The following IFRD1 variants were observed in gnomAD, a reference collection of about 807,000 sequenced individuals.
IFRD1 encodes the protein interferon-related developmental regulator 1.
A neutral mutation model predicts 52.9 loss-of-function variants in IFRD1; 35 were observed. That is an observed-to-expected ratio of 0.66 (90% CI 0.51 to 0.88). The LOEUF is 0.88. Ranked by LOEUF, IFRD1 falls within the 40% of genes least tolerant of loss-of-function variation. IFRD1 has a pLI of 0.00. For missense variants in IFRD1, 517 were observed against 550.8 expected (o/e 0.94, Z 0.61); for synonymous variants, 184 against 188.4 (o/e 0.98, Z 0.19).
intron 9 of IFRD1, among the ~76,000 whole-genome samples, chr7:112,469,461 T>C (rs1375498457): frequency 1.3e-5 from 2 of 152,186 alleles, no homozygotes; most frequent in Admixed American, 6.5e-5. Flanking sequence ...CAAATATCAA[T>C]ATTAAGAATT....
At chr7:112,441,072 G>A (rs1794872722) in intron 1 of IFRD1, among the ~76,000 whole-genome samples, 1 of 152,074 alleles carries the variant, frequency 6.6e-6, no homozygotes, top group African/African-American at 2.4e-5. Flanking sequence ...CAAGAGATTT[G>A]AGACCGTCCT....
chr7:112,454,331 T>C (rs1197648545), intron 1 of IFRD1, among the ~76,000 whole-genome samples: 1 of 152,116 alleles, frequency 6.6e-6, no homozygotes. Flanking sequence ...TAGCTGGGAT[T>C]ACAAGCGCCT....
chr7:112,448,126 TAAAAAA>T (rs33983901), upstream of IFRD1, among the ~76,000 whole-genome samples: 2 of 132,964 alleles, frequency 1.5e-5, no homozygotes, highest in Non-Finnish European at 1.6e-5. Flanking sequence ...CCTGTAGATT[TAAAAAA>T]AAAAAAAAAA....
At chr7:112,435,655 T>TGTGTGTGTGTGTGTGTGTGTGCGC (rs775779479) in intron 1 of IFRD1, 48 of 149,126 alleles carry the variant, frequency 3.2e-4, no homozygotes, top group African/African-American at 1.1e-3. Context: ...TGTGTGTGTG[T>TGTGTGTGTGTGTGTGTGTGTGCGC]GCGTGCTTGT....
chr7:112,472,848 C>T lies in IFRD1; in HGVS notation c.1253C>T (p.Ser418Phe). The change falls in exon 11 of 12, where the codon TCT becomes TTT. Residue 418 changes from serine (S) to phenylalanine (F), a missense_variant. Transcript: ENST00000403825. ...GCAACGCTTAAAACGATGAAGATTT[C>T]TCGTTTCGAAAGGGTAGGTTTTGTT... The part of the protein sequence containing the change: ...DAATLKTMKI[S>F]RFERHLYNSA... 4.3e-6 allele frequency: 7 copies of T among 1,611,084 alleles called. No homozygotes were observed. Among genetic ancestry groups the T allele is most frequent in the Non-Finnish European group, 5.9e-6 (7 of 1,177,216 alleles).
intron 9 of IFRD1, among the ~76,000 whole-genome samples, chr7:112,471,290 G>A (rs138142487): frequency 4.4e-4 from 67 of 152,272 alleles, no homozygotes; most frequent in African/African-American, 1.5e-3. Context: ...ACTCAGCAAG[G>A]TTAAGTTACT....
intron 1 of IFRD1, among the ~76,000 whole-genome samples, chr7:112,442,824 A>G (rs1251897814): frequency 2.0e-5 from 3 of 152,220 alleles, no homozygotes. Context: ...GAAGGAATTG[A>G]GACTTTTCAA....
At chr7:112,467,443 T>A (rs1795639108) in intron 8 of IFRD1, 1 of 158,890 alleles carries the variant, frequency 6.3e-6, no homozygotes, top group Non-Finnish European at 1.4e-5. Context: ...TTTCAATACA[T>A]TTTGCAGCTG....
At chr7:112,452,448 A>G in intron 1 of IFRD1, 1 of 983,214 alleles carries the variant, frequency 1.0e-6, no homozygotes, top group African/African-American at 1.7e-5. Context: ...GTCTGAGGAT[A>G]TTTCTTACCA....
At position 112,468,031 on chromosome 7, in the gene IFRD1, G is replaced by A. The variant is rs1795657386; in HGVS notation, c.957G>A (p.Leu319=). 6.2e-7 allele frequency: 1 copy of A among 1,614,018 alleles called. No individual in the cohort carries two copies. The highest frequency in any genetic ancestry group is 1.3e-5 in the African/African-American group (1 of 75,018). Residue 319 remains leucine, a synonymous_variant, in exon 9 of 12, where the codon TTG becomes TTA. Coordinates refer to ENST00000403825, the MANE Select transcript of IFRD1 (RefSeq NM_001550.4). ...MESLTQMLRA[L]ATDGNKHRAK... is the part of the protein sequence containing the mutation. ...CCTTGACGCAGATGCTTAGGGCCTT[G>A]GCAACAGATGGAAATAAACACCGGG...
intron 2 of IFRD1, 34 bp from the exon 3 acceptor site, chr7:112,455,968 T>C (rs764064573): frequency 3.3e-6 from 5 of 1,502,642 alleles, no homozygotes; most frequent in Non-Finnish European, 2.8e-6. Flanking sequence ...TTTTTTCTTT[T>C]AAATTACGAT....
chr7:112,467,500 C>CTT (rs56149168), intron 8 of IFRD1: 10,318 of 173,814 alleles, frequency 0.059, 331 homozygotes, highest in South Asian at 0.087. Context: ...ATAATTTAAT[C>CTT]ACCTGAATTA....
At chr7:112,450,897 A>G (rs1795143468) in intron 1 of IFRD1, 115 bp downstream of exon 1, 2 of 773,930 alleles carry the variant, frequency 2.6e-6, no homozygotes, top group Middle Eastern at 2.4e-4. Flanking sequence ...TTGCATTTCC[A>G]GGGTGCGTGG....
chr7:112,463,496 TTTTG>T (rs1431630804), intron 8 of IFRD1, among the ~76,000 whole-genome samples: 1 of 152,142 alleles, frequency 6.6e-6, no homozygotes, highest in African/African-American at 2.4e-5. Flanking sequence ...CCTACACTCC[TTTTG>T]TTTGAGGGAT....
upstream of IFRD1, among the ~76,000 whole-genome samples, chr7:112,447,830 T>G (rs758552529): frequency 1.2e-4 from 18 of 152,272 alleles, 1 homozygote; most frequent in Non-Finnish European, 2.6e-4. Flanking sequence ...CATAAAACTA[T>G]AGTAAGGTAA....
chr7:112,441,382 G>C (rs1435027808), intron 1 of IFRD1, among the ~76,000 whole-genome samples: 1 of 151,914 alleles, frequency 6.6e-6, no homozygotes, highest in Non-Finnish European at 1.5e-5. Flanking sequence ...CCTGACCTCA[G>C]TGAGCTGTGA....
At chr7:112,448,126 TAA>T (rs33983901), upstream of IFRD1, among the ~76,000 whole-genome samples, 9 of 132,936 alleles carry the variant, frequency 6.8e-5, no homozygotes, top group Admixed American at 2.3e-4. Context: ...CCTGTAGATT[TAA>T]AAAAAAAAAA....
chr7:112,446,363 C>T, upstream of IFRD1: 1 of 182,338 alleles, frequency 5.5e-6, no homozygotes, highest in South Asian at 1.2e-4. Context: ...TTATTCTTCT[C>T]AGGAGTGGTG....
Position 112,445,327 on chromosome 7 carries a change from G to A in IFRD1, c.-181-5181G>A, listed in dbSNP as rs572318078. On this transcript the variant is annotated intron_variant, in intron 1 of 12. Coordinates refer to the IFRD1 transcript ENST00000005558. ...GTGATCCGCCCACCTTGGCCTCCCA[G>A]AGTGCTAGGATTACAGGTGTGAGTT... Among the ~76,000 whole-genome samples the A allele has an allele frequency of 2.1e-3, 312 of 152,080 alleles. 2 individuals are homozygous for A. The highest frequency in any genetic ancestry group is 5.3e-3 in the African/African-American group (220 of 41,486).
Sources: gnomAD v4.1 joint callset for allele counts (sites outside exome capture counted in the v4.1 genomes callset) on GRCh38, gnomAD v4.1.1 for gene constraint, MANE v1.5 for transcripts, NCBI Gene and HGNC (gene_info 2026-07-23, HGNC 2026-07-21) for gene names.